The following PACS2 variants were observed in gnomAD, a reference collection of about 807,000 sequenced individuals.
PACS2 encodes PACS1-like protein.
A neutral mutation model predicts 113.0 loss-of-function variants in PACS2; 36 were observed. The observed-to-expected ratio is 0.32, with a 90% CI of 0.24 to 0.42. The LOEUF is 0.42. Among genes scored for constraint, PACS2 ranks in the 10% least tolerant of loss-of-function variants. The pLI is 1.00. For synonymous variants in PACS2, 589 were observed against 536.1 expected (o/e 1.10, Z -1.36); for missense variants, 1,015 against 1,239.5 (o/e 0.82, Z 2.72).
chr14:105,341,149 T>C (rs1217841533), intron 1 of PACS2, among the ~76,000 whole-genome samples: 4 of 152,250 alleles, frequency 2.6e-5, no homozygotes, highest in Non-Finnish European at 5.9e-5. Flanking sequence ...TTTCTTCAAA[T>C]AGATCCCAAG....
At chr14:105,316,054 C>T (rs587607493) in intron 1 of PACS2, among the ~76,000 whole-genome samples, 1 of 152,354 alleles carries the variant, frequency 6.6e-6, no homozygotes, top group African/African-American at 2.4e-5. Flanking sequence ...TCCTGTGGCT[C>T]CCACAGCCTG....
intron 17 of PACS2, 97 bp from the exon 18 acceptor site, chr14:105,384,782 G>A (rs935921970): frequency 2.0e-5 from 16 of 791,448 alleles, no homozygotes; most frequent in African/African-American, 3.4e-5. Context: ...TTCGGGGTAC[G>A]GGAGGCCTGG....
chr14:105,371,956 C>G (rs1555409477), intron 8 of PACS2: 1 of 152,264 alleles, frequency 6.6e-6, no homozygotes, highest in African/African-American at 2.4e-5. Context: ...CCTCCCTCAT[C>G]AGGGCCCTGA....
At chr14:105,305,625 G>A (rs2058164533) in intron 1 of PACS2, among the ~76,000 whole-genome samples, 1 of 152,230 alleles carries the variant, frequency 6.6e-6, no homozygotes, top group Non-Finnish European at 1.5e-5. Context: ...GAGGCAGGGA[G>A]TAACGCTCCC....
rs587674873 is a variant in PACS2, at chr14:105,320,197, C to T, written c.119+5160C>T. Reference sequence around the variant, plus strand: ...TTCACCGTGTTGGCCAGGAGGGTCTCGATCTCCTGACCTTGTTATCCGTCC... The same window carrying T: ...TTCACCGTGTTGGCCAGGAGGGTCTTGATCTCCTGACCTTGTTATCCGTCC... On this transcript the variant is annotated intron_variant, in intron 1 of 24. Transcript: ENST00000447393. Among the ~76,000 whole-genome samples, 11 of 152,158 alleles carry T rather than the reference C, an allele frequency of 7.2e-5. No homozygotes were observed. In the East Asian group the frequency reaches 1.5e-3, roughly 21 times the overall value.
At chr14:105,390,942 C>T (rs116073285) in intron 20 of PACS2, 6,670 of 541,968 alleles carry the variant, frequency 0.012, 390 homozygotes, top group African/African-American at 0.12. Flanking sequence ...ACATAGTTTG[C>T]AGCTGCCCTG....
At position 105,383,503 on chromosome 14, in the gene PACS2, C is replaced by G. The variant is rs1555412730; in HGVS notation, c.1770C>G (p.Val590=). The G allele has an allele frequency of 6.3e-7, 1 of 1,595,982 alleles. No homozygotes were observed. The highest frequency in any genetic ancestry group is 8.5e-7 in the Non-Finnish European group (1 of 1,171,734). Residue 590 remains valine, a synonymous_variant, in exon 16 of 25, where the codon GTC becomes GTG. Transcript: ENST00000447393. ...GGCTCGGCTACATGCGCTTCCTGGT[C>G]ATCCCACTGGGTGAGCACCACGCCG... ...PDWLGYMRFL[V]IPLGSHPVAR...
At chr14:105,331,402 G>A (rs967782585) in intron 1 of PACS2, among the ~76,000 whole-genome samples, 5 of 152,260 alleles carry the variant, frequency 3.3e-5, no homozygotes, top group Admixed American at 2.6e-4. Flanking sequence ...AATTAAGGAA[G>A]GATCAAGACT....
At chr14:105,381,716 A>T (rs587661399) in intron 12 of PACS2, among the ~76,000 whole-genome samples, 198 bp from the exon 13 acceptor site, 1 of 152,250 alleles carries the variant, frequency 6.6e-6, no homozygotes, top group East Asian at 1.9e-4. Context: ...CCTCACTTGT[A>T]CTCAGCTGCT....
chr14:105,383,217 G>A, intron 15 of PACS2, 142 bp from the exon 16 acceptor site: 1 of 953,628 alleles, frequency 1.0e-6, no homozygotes, highest in Non-Finnish European at 1.7e-6. Context: ...TGGGGGTCCT[G>A]GGCTTGGGCA....
rs2058517205 is a variant in PACS2, at chr14:105,315,153, C to CT, written c.119+116_119+117insT. ...TCCCCCAGCGGAGCCCAGGTCGCCC[C>CT]CCGCGCCCCCGCCCGCCGGTTCGAC... On this transcript the variant is annotated intron_variant, in intron 1 of 24. Transcript: ENST00000447393. The surrounding 1 kb of genome is among the most constrained non-coding windows in gnomAD (Gnocchi z 4.4). 1 of 543,128 alleles carries CT rather than the reference C, an allele frequency of 1.8e-6. No homozygotes were observed. The highest frequency in any genetic ancestry group is 2.4e-6 in the Non-Finnish European group (1 of 417,672). 33.6% of individuals were successfully genotyped at this position (543,128 alleles called of 1,614,324 possible).
intron 8 of PACS2, chr14:105,371,411 C>T (rs1182631030): frequency 6.6e-6 from 1 of 152,268 alleles, no homozygotes; most frequent in Non-Finnish European, 1.5e-5. Context: ...GATTATGGTT[C>T]TGAGACTCAC....
At chr14:105,374,826 G>A (rs1033202498) in intron 8 of PACS2, 1 of 152,226 alleles carries the variant, frequency 6.6e-6, no homozygotes, top group Non-Finnish European at 1.5e-5. Context: ...ACCTTGTGGT[G>A]AAGGTTCTCA....
At chr14:105,384,795 G>T in intron 17 of PACS2, 84 bp from the exon 18 acceptor site, 1 of 877,784 alleles carries the variant, frequency 1.1e-6, no homozygotes, top group Non-Finnish European at 1.9e-6. Flanking sequence ...AGGCCTGGGC[G>T]GGGCACCGGG....
At chr14:105,303,111 T>G (rs587763400) in intron 1 of PACS2, among the ~76,000 whole-genome samples, 15 of 152,268 alleles carry the variant, frequency 9.9e-5, no homozygotes, top group Admixed American at 2.6e-4. Context: ...GTATTTTTAG[T>G]AGAGATGGGG....
intron 4 of PACS2, among the ~76,000 whole-genome samples, chr14:105,361,687 C>T (rs1014677767): frequency 1.3e-5 from 2 of 152,004 alleles, no homozygotes; most frequent in Non-Finnish European, 1.5e-5. Flanking sequence ...CAATGGCTCA[C>T]GCCGGTAATC....
chr14:105,386,866 C>T (rs1236772001), intron 19 of PACS2, among the ~76,000 whole-genome samples: 1 of 152,208 alleles, frequency 6.6e-6, no homozygotes, highest in Non-Finnish European at 1.5e-5. Context: ...GCCTCCCCTG[C>T]TGACCCCCAG....
intron 1 of PACS2, among the ~76,000 whole-genome samples, chr14:105,328,645 G>A (rs2059204356): frequency 1.3e-5 from 2 of 152,214 alleles, no homozygotes; most frequent in Non-Finnish European, 2.9e-5. Context: ...CCAGCAGCCC[G>A]AGTCTTGGCG....
intron 1 of PACS2, among the ~76,000 whole-genome samples, chr14:105,326,401 G>T (rs995050726): frequency 6.6e-6 from 1 of 152,270 alleles, no homozygotes; most frequent in Non-Finnish European, 1.5e-5. Context: ...CGCCTCAGGA[G>T]GGTGAGTGGC....
Sources: allele counts gnomAD v4.1 joint callset (sites outside exome capture counted in the v4.1 genomes callset), GRCh38; gene constraint gnomAD v4.1.1; non-coding constraint Gnocchi (gnomAD v3.1); transcripts MANE v1.5; gene names NCBI Gene and HGNC (gene_info 2026-07-23, HGNC 2026-07-21).